PHRF1: variants seen among roughly 807,000 people sequenced by gnomAD.
The protein encoded by PHRF1 is PHD and RING finger domain-containing protein 1.
A neutral mutation model predicts 128.9 loss-of-function variants in PHRF1; 53 were observed. The observed-to-expected ratio is 0.41, with a 90% confidence interval of 0.33 to 0.52. The LOEUF is 0.52. PHRF1 is among the 20% of genes least tolerant of loss of function. PHRF1 has a pLI of 0.21. For synonymous variants in PHRF1, 1,178 were observed against 980.6 expected, an observed-to-expected ratio of 1.20 and a Z score of -3.76; for missense variants, 2,503 against 2,284.5, an observed-to-expected ratio of 1.10 and a Z score of -1.95.
Position 592,671 on chromosome 11 carries a change from C to T in PHRF1, c.617C>T (p.Ala206Val), listed in dbSNP as rs762858355. ...DRLLLCDGCD[A>V]GYHMECLDPP... ...CTTTTGCTCTGCGACGGCTGCGATGCGGGGTAAGGGACGGTTGGGACTGGC... is the reference window on the plus strand; with the variant it reads ...CTTTTGCTCTGCGACGGCTGCGATGTGGGGTAAGGGACGGTTGGGACTGGC... The change falls in exon 6 of 18, where the codon GCG becomes GTG. Residue 206 changes from alanine to valine, a missense_variant. Coordinates refer to ENST00000264555, the MANE Select transcript of PHRF1 (RefSeq NM_001286581.2). 89 of 1,613,838 alleles carry T rather than the reference C, an allele frequency of 5.5e-5. No individual in the cohort carries two copies. The highest frequency in any genetic ancestry group is 1.6e-4 in the Middle Eastern group (1 of 6,082).
In PHRF1 at chr11:597,532, G is replaced by T. The variant is rs1351491471; in HGVS notation, c.856G>T (p.Val286Leu). 1.9e-6 allele frequency: 3 copies of T among 1,612,194 alleles called. No individual in the cohort carries two copies. Among genetic ancestry groups the T allele is most frequent in the Non-Finnish European group, 2.5e-6 (3 of 1,179,500 alleles). The stretch of plus-strand genomic sequence containing the variant: ...GCAGAGTGAGAGAGTGAGAGCAACC[G>T]TGAACCGGAACCGGATCTCCACGGC... ...TRQSERVRAT[V>L]NRNRISTARR... The change falls in exon 8 of 18, where the codon GTG becomes TTG. Residue 286 changes from valine to leucine, a missense_variant. Val to Leu is a conservative substitution (Grantham distance 32). Coordinates refer to ENST00000264555, the MANE Select transcript of PHRF1 (RefSeq NM_001286581.2). This position sits in a 1 kb window ranked among gnomAD's most constrained non-coding sequence, Gnocchi z 6.5.
intron 5 of PHRF1, among the ~76,000 whole-genome samples, chr11:592,175 A>G (rs1855010018): frequency 1.3e-5 from 2 of 151,454 alleles, no homozygotes. Flanking sequence ...TCGGCCTCCC[A>G]AAGTGCTGGG....
At position 608,646 on chromosome 11, in the gene PHRF1, C is replaced by T. The variant is rs1856122210; in HGVS notation, c.3190C>T (p.Arg1064Ter). Residue 1064 changes from arginine (R) to a stop codon, truncating the protein, a stop_gained, in exon 14 of 18, where the codon CGA becomes TGA. Transcript: ENST00000264555. LOFTEE classifies it high-confidence loss of function. ...SSSDRSSSRE[R>*]AKRKKAKDKS... Reference sequence around the variant, plus strand: ...CAGTGACCGCTCCAGCAGCCGAGAGCGAGCTAAGAGGAAGAAAGCCAAGGA... The same window carrying T: ...CAGTGACCGCTCCAGCAGCCGAGAGTGAGCTAAGAGGAAGAAAGCCAAGGA... The T allele has an allele frequency of 1.2e-6, 2 of 1,612,334 alleles. No individual in the cohort carries two copies. Among genetic ancestry groups the T allele is most frequent in the South Asian group, 1.1e-5 (1 of 91,044 alleles).
chr11:608,837 C>T lies in PHRF1; in HGVS notation c.3381C>T (p.Ser1127=). The T allele has an allele frequency of 1.9e-6, 3 of 1,612,230 alleles. No homozygotes were observed. Among genetic ancestry groups the T allele is most frequent in the Non-Finnish European group, 2.5e-6 (3 of 1,179,824 alleles). ...RPRGRECSPT[S]SLERLCRHKH... is the part of the protein sequence containing the mutation. ...GGGGAAGGGAGTGCTCCCCCACCAG[C>T]AGCCTGGAGAGGCTCTGCAGGCACA... is the stretch of plus-strand genomic sequence containing the variant. The change falls in exon 14 of 18, where the codon AGC becomes AGT. Residue 1127 remains serine (S), a synonymous_variant. Transcript: ENST00000264555.
chr11:601,785 T>C (rs2396545), intron 10 of PHRF1, 84 bp downstream of exon 10: 354,374 of 1,557,280 alleles, frequency 0.23, 44,381 homozygotes, highest in African/African-American at 0.46. Flanking sequence ...AGCCTCCCGC[T>C]GGCCTTGGCA....
At chr11:610,831 G>T in intron 16 of PHRF1, 70 bp downstream of exon 16, 1 of 1,584,618 alleles carries the variant, frequency 6.3e-7, no homozygotes, top group Non-Finnish European at 8.6e-7. Context: ...TTGGGGCTGA[G>T]TTTATGGGCG....
chr11:611,223 G>A, intron 17 of PHRF1, 141 bp downstream of exon 17: 1 of 1,363,366 alleles, frequency 7.3e-7, no homozygotes, highest in Admixed American at 2.5e-5. Context: ...GGGCTGTATT[G>A]CCACATCCTG....
At chr11:587,518 A>G (rs1396141816) in intron 4 of PHRF1, 54 bp downstream of exon 4, 2 of 1,564,984 alleles carry the variant, frequency 1.3e-6, no homozygotes, top group Non-Finnish European at 1.8e-6. Context: ...CTCCCTGTTT[A>G]TAGGTGACCC....
In PHRF1 at chr11:609,451, C is replaced by T. The variant is rs374402221; in HGVS notation, c.3995C>T (p.Ser1332Leu). ...EVSLMHDEDP[S>L]QPPPLPEGTQ... is the part of the protein sequence containing the mutation. ...TCATTGATGCACGATGAAGACCCTT[C>T]GCAGCCCCCACCCCTGCCAGAGGGC... The change falls in exon 14 of 18, where the codon TCG becomes TTG. Residue 1332 changes from serine (S) to leucine (L), a missense_variant. Ser to Leu is a moderately radical substitution (Grantham distance 145). Transcript: ENST00000264555. 5.5e-5 allele frequency: 88 copies of T among 1,606,190 alleles called. No individual in the cohort carries two copies. The highest frequency in any genetic ancestry group is 5.0e-4 in the Middle Eastern group (3 of 6,058).
chr11:592,194 C>T (rs1028133157), intron 5 of PHRF1, among the ~76,000 whole-genome samples: 2 of 150,918 alleles, frequency 1.3e-5, no homozygotes, highest in African/African-American at 2.4e-5. Context: ...GGATTACAGG[C>T]GTGAGCCAAC....
intron 5 of PHRF1, 91 bp from the exon 6 acceptor site, chr11:592,468 G>A: frequency 7.8e-7 from 1 of 1,275,626 alleles, no homozygotes; most frequent in East Asian, 2.3e-5. Flanking sequence ...CTAAGGCAAT[G>A]GGTGGATTCT....
In PHRF1 at chr11:608,798, A is replaced by T; in HGVS notation, c.3342A>T (p.Ser1114=). ...GTAGGAAGAAGAAGAAAAGGAGATC[A>T]GCGTCCAGACCTCGGGGAAGGGAGT... ...YESRKKKKRR[S]ASRPRGRECS... The change falls in exon 14 of 18, where the codon TCA becomes TCT. Residue 1114 remains serine, a synonymous_variant. Transcript: ENST00000264555. The T allele has an allele frequency of 6.2e-7, 1 of 1,611,854 alleles. No individual in the cohort carries two copies. Among genetic ancestry groups the T allele is most frequent in the East Asian group, 2.2e-5 (1 of 44,878 alleles).
rs532819018 is a variant in PHRF1, at chr11:603,283, C to T, written c.1152+1582C>T. Reference sequence around the variant, plus strand: ...GTTGCCCAGGCTGGTCTTAGACTCCCGGGCTTAAGCAGTTTGTCATCTAAG... The same window carrying T: ...GTTGCCCAGGCTGGTCTTAGACTCCTGGGCTTAAGCAGTTTGTCATCTAAG... On this transcript the variant is annotated intron_variant, in intron 10 of 17. Transcript: ENST00000264555. Among the ~76,000 whole-genome samples, 42 of 152,214 alleles carry T rather than the reference C, an allele frequency of 2.8e-4. No homozygotes were observed. The South Asian group carries it at 5.6e-3, about 20-fold the overall frequency.
At position 610,542 on chromosome 11, in the gene PHRF1, A is replaced by C. The variant is rs1856307043; in HGVS notation, c.4458A>C (p.Ser1486=). Residue 1486 remains serine, a synonymous_variant, in exon 16 of 18, where the codon TCA becomes TCC. Transcript: ENST00000264555. ...PGLPPAPAQP[S]SIPPCALVSQ... ...TGCCGCCTGCCCCGGCCCAGCCCTC[A>C]AGCATCCCACCCTGCGCACTGGTCA... is the stretch of plus-strand genomic sequence containing the variant. The C allele has an allele frequency of 6.2e-7, 1 of 1,605,720 alleles. No homozygotes were observed. Among genetic ancestry groups the C allele is most frequent in the African/African-American group, 1.3e-5 (1 of 74,910 alleles).
At chr11:610,826 G>A in intron 16 of PHRF1, 65 bp downstream of exon 16, 2 of 1,585,984 alleles carry the variant, frequency 1.3e-6, no homozygotes, top group Non-Finnish European at 1.7e-6. Flanking sequence ...AGTTGTTGGG[G>A]CTGAGTTTAT....
At chr11:584,458 TAG>T (rs2134192396) in intron 3 of PHRF1, among the ~76,000 whole-genome samples, 1 of 152,176 alleles carries the variant, frequency 6.6e-6, no homozygotes, top group Non-Finnish European at 1.5e-5. Flanking sequence ...GACAGGGTCA[TAG>T]ACACTGAGAG....
chr11:606,592 G>A lies in PHRF1; in HGVS notation c.1605G>A (p.Arg535=). ...IHRDGSLSAK[R]AAPVSFQRNS... is the part of the protein sequence containing the mutation. ...GCGACGGCTCCCTCAGCGCCAAGAG[G>A]GCGGGTGAGTGCCTTCCCTGCCACG... is the stretch of plus-strand genomic sequence containing the variant. The change falls in exon 13 of 18, where the codon AGG becomes AGA. Residue 535 remains arginine, a synonymous_variant. Coordinates refer to ENST00000264555, the MANE Select transcript of PHRF1 (RefSeq NM_001286581.2). 6.2e-7 allele frequency: 1 copy of A among 1,601,596 alleles called. No individual in the cohort carries two copies. The highest frequency in any genetic ancestry group is 1.1e-5 in the South Asian group (1 of 90,770).
Position 594,857 on chromosome 11 carries a change from T to C in PHRF1, c.621-2066T>C, listed in dbSNP as rs556904827. On this transcript the variant is annotated intron_variant, in intron 6 of 17. Transcript: ENST00000264555. The stretch of plus-strand genomic sequence containing the variant: ...ACATTTACAAACTTGATATATTGAT[T>C]TTCTTTCTACCTACACTACTTGAAT... 4.0e-5 allele frequency among the ~76,000 whole-genome samples: 6 copies of C among 151,410 alleles called. No individual in the cohort carries two copies. In the South Asian group the frequency reaches 1.2e-3, roughly 31 times the overall value.
chr11:600,772 C>T (rs1290027320), intron 9 of PHRF1, among the ~76,000 whole-genome samples: 3 of 152,032 alleles, frequency 2.0e-5, no homozygotes, highest in African/African-American at 7.2e-5. Context: ...CGAGACCATC[C>T]TGGCTAACAC....
Sources: gnomAD v4.1 joint callset for allele counts (sites outside exome capture counted in the v4.1 genomes callset) on GRCh38, gnomAD v4.1.1 for gene constraint, Gnocchi (gnomAD v3.1) non-coding constraint, MANE v1.5 for transcripts, NCBI Gene and HGNC (gene_info 2026-07-23, HGNC 2026-07-21) for gene names.